The following PARD3 variants were observed in gnomAD, a reference collection of about 807,000 sequenced individuals.
PARD3 encodes the protein partitioning defective 3 homolog.
PARD3 carries 75 observed loss-of-function variants against 155.4 expected under a neutral mutation model. The ratio of observed to expected loss-of-function variants is 0.48; its 90% CI spans 0.40 to 0.58. PARD3 has a LOEUF of 0.58. Among genes scored for constraint, PARD3 ranks in the 20% least tolerant of loss-of-function variants. The pLI, the probability that PARD3 is intolerant of heterozygous loss-of-function variation, is 0.00. For synonymous variants in PARD3, 576 were observed against 610.5 expected (o/e 0.94, Z 0.83); for missense variants, 1,642 against 1,721.7 (o/e 0.95, Z 0.82).
intron 1 of PARD3, among the ~76,000 whole-genome samples, chr10:34,795,449 T>TA (rs1432989464): frequency 1.3e-5 from 2 of 151,580 alleles, no homozygotes; most frequent in Non-Finnish European, 2.9e-5. Flanking sequence ...TATCTCTACA[T>TA]AAATTCAAAA....
At chr10:34,581,868 G>T (rs1388215565) in intron 2 of PARD3, among the ~76,000 whole-genome samples, 2 of 152,162 alleles carry the variant, frequency 1.3e-5, no homozygotes, top group East Asian at 3.9e-4. Flanking sequence ...AATCCCTCTT[G>T]TGTCTAAAAA....
intron 2 of PARD3, among the ~76,000 whole-genome samples, chr10:34,539,869 A>G (rs941113393): frequency 6.6e-6 from 1 of 152,226 alleles, no homozygotes; most frequent in African/African-American, 2.4e-5. Context: ...ATTGGCAAAC[A>G]CTACAAATCA....
At chr10:34,276,078 A>G (rs1015842554) in intron 21 of PARD3, among the ~76,000 whole-genome samples, 3 of 152,186 alleles carry the variant, frequency 2.0e-5, no homozygotes, top group Non-Finnish European at 4.4e-5. Flanking sequence ...TATCACAGGC[A>G]GTTGTACCAC....
intron 2 of PARD3, among the ~76,000 whole-genome samples, chr10:34,684,814 C>CAT (rs1401607022): frequency 1.6e-5 from 2 of 121,424 alleles, no homozygotes; most frequent in Non-Finnish European, 3.4e-5. Context: ...CACACACACA[C>CAT]ACACACACAC....
At chr10:34,379,695 C>G (rs1194523868) in intron 9 of PARD3, among the ~76,000 whole-genome samples, 1 of 152,036 alleles carries the variant, frequency 6.6e-6, no homozygotes, top group South Asian at 2.1e-4. Flanking sequence ...AAGTAGATAT[C>G]AATTTTCATT....
intron 4 of PARD3, among the ~76,000 whole-genome samples, chr10:34,457,627 G>T (rs1220772075): frequency 1.3e-5 from 2 of 151,920 alleles, no homozygotes; most frequent in East Asian, 1.9e-4. Flanking sequence ...TTGAGACAGG[G>T]TCTCACTCTG....
chr10:34,681,764 ATATATTTTTTTTTTTTTTTTTT>A (rs2093842988), intron 2 of PARD3, among the ~76,000 whole-genome samples: 1 of 21,882 alleles, frequency 4.6e-5, no homozygotes, highest in Non-Finnish European at 7.2e-5. Flanking sequence ...ATATATATAT[ATATATTTTTTTTTTTTTTTTTT>A]TTTTTTTTTT....
Position 34,483,498 on chromosome 10 carries a change from A to AG in PARD3, c.404-13236_404-13235insC, listed in dbSNP as rs544580537. 4.3e-3 allele frequency among the ~76,000 whole-genome samples: 604 copies of AG among 140,798 alleles called. 11 individuals carry two copies. Among genetic ancestry groups the AG allele is most frequent in the African/African-American group, 0.014 (475 of 34,296 alleles). The allele number at this position is 140,798 out of a possible 152,430, so 92.4% of individuals were successfully genotyped here. ...CTCTGTCACCAAAAAAAAAAAAAAA[A>AG]AGAGAGAGAAAAAAAAACAGAAAAA... On this transcript the variant is annotated intron_variant, in intron 3 of 24. Transcript: ENST00000374788.
At chr10:34,316,833 T>C (rs1958038151) in intron 20 of PARD3, among the ~76,000 whole-genome samples, 1 of 152,200 alleles carries the variant, frequency 6.6e-6, no homozygotes, top group South Asian at 2.1e-4. Flanking sequence ...AGGAAAAGAT[T>C]ATACAAGAAT....
At chr10:34,312,146 AT>A (rs1486404881) in intron 20 of PARD3, 2 of 861,832 alleles carry the variant, frequency 2.3e-6, no homozygotes, top group Admixed American at 5.8e-5. Context: ...TTCAAGCGTA[AT>A]TTAAACCCCA....
chr10:34,488,107 T>G (rs186991298), intron 3 of PARD3, among the ~76,000 whole-genome samples: 2 of 152,268 alleles, frequency 1.3e-5, no homozygotes, highest in Non-Finnish European at 2.9e-5. Context: ...CAGTTTTCTG[T>G]CACCTCAGGA....
At chr10:34,797,394 C>T (rs1323579990) in intron 1 of PARD3, among the ~76,000 whole-genome samples, 2 of 152,186 alleles carry the variant, frequency 1.3e-5, no homozygotes, top group Non-Finnish European at 2.9e-5. Flanking sequence ...TCAAGCAATC[C>T]TCCCACTTCA....
At chr10:34,622,827 C>CTTTTTTTTTTTT (rs567045063) in intron 2 of PARD3, among the ~76,000 whole-genome samples, 1 of 113,456 alleles carries the variant, frequency 8.8e-6, no homozygotes, top group Non-Finnish European at 1.9e-5. Flanking sequence ...TTCTTTTTTT[C>CTTTTTTTTTTTT]TTTTTTTTTT....
chr10:34,655,410 T>C (rs898410753), intron 2 of PARD3, among the ~76,000 whole-genome samples: 1 of 152,158 alleles, frequency 6.6e-6, no homozygotes, highest in Non-Finnish European at 1.5e-5. Context: ...CCTGTGTTAC[T>C]CCTGATCATA....
At chr10:34,698,892 A>C (rs551114673) in intron 1 of PARD3, among the ~76,000 whole-genome samples, 9 of 152,120 alleles carry the variant, frequency 5.9e-5, no homozygotes, top group Non-Finnish European at 1.2e-4. Context: ...TTTTTTTAAA[A>C]ATTGTCTATA....
At position 34,439,840 on chromosome 10, in the gene PARD3, C is replaced by T. The variant is rs142239462; in HGVS notation, c.714+10477G>A. Among the ~76,000 whole-genome samples the T allele has an allele frequency of 1.8e-3, 269 of 152,134 alleles. 1 individual carries two copies. The highest frequency in any genetic ancestry group is 6.1e-3 in the African/African-American group (254 of 41,524). On this transcript the variant is annotated intron_variant, in intron 5 of 24. Transcript: ENST00000374788. ...GCCTACGCCAACCCTACCGCAATAC[C>T]GTACTTTAATTTCTTTATAATTTGT...
At chr10:34,231,091 C>T (rs1332202914) in intron 22 of PARD3, among the ~76,000 whole-genome samples, 1 of 151,804 alleles carries the variant, frequency 6.6e-6, no homozygotes, top group Non-Finnish European at 1.5e-5. Context: ...GGAGGTTCAT[C>T]CTAGCCACAA....
chr10:34,581,556 T>C (rs1275264794), intron 2 of PARD3, among the ~76,000 whole-genome samples: 1 of 152,126 alleles, frequency 6.6e-6, no homozygotes, highest in Non-Finnish European at 1.5e-5. Flanking sequence ...TTTTCAAAGA[T>C]TTTTGTTAAA....
intron 22 of PARD3, among the ~76,000 whole-genome samples, chr10:34,233,208 C>G (rs1953032790): frequency 6.6e-6 from 1 of 151,838 alleles, no homozygotes; most frequent in Non-Finnish European, 1.5e-5. Flanking sequence ...GGACATCATT[C>G]TGTTACATCT....
Sources: allele counts gnomAD v4.1 joint callset (sites outside exome capture counted in the v4.1 genomes callset), GRCh38; gene constraint gnomAD v4.1.1; transcripts MANE v1.5; gene names NCBI Gene and HGNC (gene_info 2026-07-23, HGNC 2026-07-21).